The following CD200R1L variants were observed in gnomAD, a reference collection of about 807,000 sequenced individuals.
The protein encoded by CD200R1L is cell surface glycoprotein CD200 receptor 2.
In CD200R1L, 14 loss-of-function variants were observed where a neutral mutation model predicts 24.8. The observed-to-expected ratio is 0.56, with a 90% CI of 0.37 to 0.88. The LOEUF is 0.88. Ranked by LOEUF, CD200R1L falls within the 40% of genes least tolerant of loss-of-function variation. The pLI, the probability that CD200R1L is intolerant of heterozygous loss-of-function variation, is 0.00. For synonymous variants in CD200R1L, 111 were observed against 109.2 expected (o/e 1.02, Z -0.11); for missense variants, 299 against 297.8 (o/e 1.00, Z -0.03).
chr3:112,816,155 T>C (rs1239040445), intron 7 of CD200R1L, among the ~76,000 whole-genome samples, 180 bp from the exon 8 acceptor site: 2 of 152,214 alleles, frequency 1.3e-5, no homozygotes, highest in Admixed American at 6.5e-5. Flanking sequence ...GAATGCTGTA[T>C]AACAAACAAC....
intron 3 of CD200R1L, among the ~76,000 whole-genome samples, chr3:112,834,328 C>A (rs1270588808): frequency 6.6e-6 from 1 of 151,440 alleles, no homozygotes; most frequent in Non-Finnish European, 1.5e-5. Context: ...ACCTCCACCT[C>A]CCTTCATTGT....
Position 112,827,058 on chromosome 3 carries a change from G to C in CD200R1L, c.551C>G (p.Ser184Cys). ...KSTCPWEGHKSTVTCHVSHLT... is the reference protein window; with the variant it reads ...KSTCPWEGHKCTVTCHVSHLT... ...ATGGGAGACATGGCAGGTCACAGTA[G>C]ACTTGTGGCCCTCCCAGGGGCATGT... is the stretch of plus-strand genomic sequence containing the variant. The change falls in exon 6 of 8, where the codon TCT becomes TGT. Residue 184 changes from serine (S) to cysteine (C), a missense_variant. Transcript: ENST00000488794. 1 of 1,602,002 alleles carries C rather than the reference G, an allele frequency of 6.2e-7. No homozygotes were observed. Among genetic ancestry groups the C allele is most frequent in the Non-Finnish European group, 8.5e-7 (1 of 1,173,088 alleles).
intron 3 of CD200R1L, among the ~76,000 whole-genome samples, chr3:112,837,234 A>G: frequency 6.6e-6 from 1 of 151,926 alleles, no homozygotes; most frequent in East Asian, 1.9e-4. Flanking sequence ...TTCTCCCCAC[A>G]TTTTGTGTAT....
chr3:112,830,474 C>G (rs1346636726), intron 3 of CD200R1L, among the ~76,000 whole-genome samples: 1 of 147,332 alleles, frequency 6.8e-6, no homozygotes, highest in East Asian at 2.0e-4. Flanking sequence ...GACTGGAGGC[C>G]TACGTTATAC....
intron 2 of CD200R1L, among the ~76,000 whole-genome samples, chr3:112,844,191 T>C (rs777729279): frequency 6.6e-6 from 1 of 152,170 alleles, no homozygotes; most frequent in African/African-American, 2.4e-5. Context: ...ATTTGATCAA[T>C]TGGGCCTAAC....
intron 4 of CD200R1L, 30 bp downstream of exon 4, chr3:112,829,289 G>A: frequency 6.4e-7 from 1 of 1,573,748 alleles, no homozygotes; most frequent in East Asian, 2.2e-5. Flanking sequence ...CCATCCCTCA[G>A]TGCTGGCCAC....
Position 112,845,718 on chromosome 3 carries a change from C to A in CD200R1L, c.-126G>T, listed in dbSNP as rs374400568. 71 of 1,612,922 alleles carry A rather than the reference C, an allele frequency of 4.4e-5. 2 individuals are homozygous for A. The South Asian group carries it at 7.6e-4, about 17-fold the overall frequency. On this transcript the variant is annotated 5_prime_UTR_variant, in exon 2 of 8. Transcript: ENST00000488794. Reference sequence around the variant, plus strand: ...ATGATGGAAATCAGTAATCTTGGAGCTGACATCTTCCCTAAAGTATGCTTT... The same window carrying A: ...ATGATGGAAATCAGTAATCTTGGAGATGACATCTTCCCTAAAGTATGCTTT...
chr3:112,845,592 C>G, intron 2 of CD200R1L, 87 bp downstream of exon 2: 1 of 1,093,366 alleles, frequency 9.1e-7, no homozygotes, highest in Non-Finnish European at 1.4e-6. Flanking sequence ...CAAGAAACAC[C>G]TTATAAGTAA....
intron 2 of CD200R1L, among the ~76,000 whole-genome samples, chr3:112,842,066 G>A (rs895346195): frequency 6.6e-6 from 1 of 152,210 alleles, no homozygotes; most frequent in African/African-American, 2.4e-5. Flanking sequence ...ACAACATCTG[G>A]AACACCTCAG....
chr3:112,829,936 C>A (rs371684987), intron 3 of CD200R1L, among the ~76,000 whole-genome samples: 80 of 152,068 alleles, frequency 5.3e-4, no homozygotes, highest in African/African-American at 1.8e-3. Context: ...ACATTGTGGC[C>A]CTCCCAGTGA....
At chr3:112,833,390 C>T (rs1417164455) in intron 3 of CD200R1L, among the ~76,000 whole-genome samples, 1 of 152,148 alleles carries the variant, frequency 6.6e-6, no homozygotes, top group Non-Finnish European at 1.5e-5. Flanking sequence ...CAGTGCAGGC[C>T]TAGGGTTCTG....
At chr3:112,830,836 T>C (rs1204361556) in intron 3 of CD200R1L, among the ~76,000 whole-genome samples, 1 of 152,010 alleles carries the variant, frequency 6.6e-6, no homozygotes, top group African/African-American at 2.4e-5. Flanking sequence ...GAGATATTTT[T>C]GTGTTCATTT....
At position 112,827,420 on chromosome 3, in the gene CD200R1L, A is replaced by G; in HGVS notation, c.314T>C (p.Ile105Thr). Residue 105 changes from isoleucine to threonine, a missense_variant, in exon 5 of 8, where the codon ATA (isoleucine) becomes ACA (threonine). Coordinates refer to ENST00000488794, the MANE Select transcript of CD200R1L (RefSeq NM_001199215.3). ...DTTHDGYYRG[I>T]VVTPDGNFHR... ...GAAATTCCCATCAGGTGTTACCACT[A>G]TGCCTCTGTAATACCCGTCATGAGT... 6.2e-7 allele frequency: 1 copy of G among 1,614,170 alleles called. No homozygotes were observed. The highest frequency in any genetic ancestry group is 8.5e-7 in the Non-Finnish European group (1 of 1,180,028).
chr3:112,831,252 A>C (rs1938792377), intron 3 of CD200R1L, among the ~76,000 whole-genome samples: 1 of 152,220 alleles, frequency 6.6e-6, no homozygotes, highest in African/African-American at 2.4e-5. Context: ...TCCTCAGGAT[A>C]ATCACCATGA....
intron 6 of CD200R1L, among the ~76,000 whole-genome samples, chr3:112,820,829 G>A (rs538064636): frequency 6.6e-6 from 1 of 151,850 alleles, no homozygotes; most frequent in Admixed American, 6.5e-5. Flanking sequence ...AGGCCAAGGT[G>A]GGTGGATCAC....
intron 3 of CD200R1L, among the ~76,000 whole-genome samples, chr3:112,833,599 T>C (rs188619967): frequency 1.6e-4 from 24 of 152,298 alleles, no homozygotes; most frequent in Non-Finnish European, 3.4e-4. Context: ...TAGCACTCCA[T>C]TGTAAAACAG....
intron 6 of CD200R1L, among the ~76,000 whole-genome samples, chr3:112,822,629 T>G (rs1938562860): frequency 1.3e-5 from 2 of 152,136 alleles, no homozygotes; most frequent in Non-Finnish European, 2.9e-5. Flanking sequence ...ATGCATCTCT[T>G]TTTATCTTTT....
chr3:112,824,173 G>T lies in CD200R1L; in HGVS notation c.616+2820C>A, dbSNP rs188472223. On this transcript the variant is annotated intron_variant, in intron 6 of 7. Transcript: ENST00000488794. Reference sequence around the variant, plus strand: ...CTATTTGACCAACTAAGACAGTAGGGAGAAAGAAAAAGACTCAGATGTAAG... The same window carrying T: ...CTATTTGACCAACTAAGACAGTAGGTAGAAAGAAAAAGACTCAGATGTAAG... Among the ~76,000 whole-genome samples the T allele has an allele frequency of 1.2e-4, 18 of 152,196 alleles. No homozygotes were observed. The East Asian group carries it at 2.7e-3, about 23-fold the overall frequency.
intron 2 of CD200R1L, among the ~76,000 whole-genome samples, chr3:112,838,722 A>G (rs1939017051): frequency 6.6e-6 from 1 of 152,182 alleles, no homozygotes; most frequent in Non-Finnish European, 1.5e-5. Context: ...TTATGTGTCA[A>G]GTTGGCTAGA....
Sources: gnomAD v4.1 joint callset for allele counts (sites outside exome capture counted in the v4.1 genomes callset) on GRCh38, gnomAD v4.1.1 for gene constraint, MANE v1.5 for transcripts, NCBI Gene and HGNC (gene_info 2026-07-23, HGNC 2026-07-21) for gene names.